TNS2: variants seen among roughly 807,000 people sequenced by gnomAD.
TNS2 encodes tensin 2.
Under a neutral mutation model 155.7 loss-of-function variants are expected in TNS2, and 77 were observed. The observed-to-expected ratio is 0.49, with a 90% CI of 0.41 to 0.60. The LOEUF (loss-of-function observed/expected upper bound fraction) is 0.60. Among genes scored for constraint, TNS2 ranks in the 20% least tolerant of loss-of-function variants. The probability of loss-of-function intolerance (pLI) is 0.00; values close to 1 mark genes in which losing one functional copy is unlikely to be tolerated. For synonymous variants in TNS2, 726 were observed against 763.9 expected (o/e 0.95, Z 0.82); for missense variants, 1,703 against 1,868.8 (o/e 0.91, Z 1.64).
chr12:53,048,748 C>A (rs907590537), upstream of TNS2, among the ~76,000 whole-genome samples: 2 of 152,194 alleles, frequency 1.3e-5, no homozygotes, highest in African/African-American at 4.8e-5. Context: ...CAGTCAGGTC[C>A]TCGCAAGGGT....
Position 53,063,296 on chromosome 12 carries a change from C to A in TNS2, c.3992+39C>A. The A allele has an allele frequency of 6.2e-7, 1 of 1,613,954 alleles. No homozygotes were observed. Among genetic ancestry groups the A allele is most frequent in the Non-Finnish European group, 8.5e-7 (1 of 1,179,932 alleles). On this transcript the variant is annotated intron_variant, in intron 26 of 28. Transcript: ENST00000314250. The surrounding 1 kb of genome is among the most constrained non-coding windows in gnomAD (Gnocchi z 5.6). ...GCCCTGTAGAACCCCATGCTTAAGGCCCCTGGGGGCTCATGTTTCTGAGTG... is the reference window on the plus strand; with the variant it reads ...GCCCTGTAGAACCCCATGCTTAAGGACCCTGGGGGCTCATGTTTCTGAGTG...
upstream of TNS2, chr12:53,048,818 G>A: frequency 4.9e-6 from 1 of 204,852 alleles, no homozygotes; most frequent in Non-Finnish European, 9.7e-6. Context: ...TCATCCCAGG[G>A]AACCCATCCT....
rs1250040839 is a variant in TNS2 at position 53,058,488 on chromosome 12, AGGCAGGTGG to A, written c.1225+44_1225+52del. 8.2e-6 allele frequency: 4 copies of A among 487,794 alleles called. No homozygotes were observed. In the Admixed American group the frequency reaches 3.0e-4, roughly 36 times the overall value. 30.2% of individuals were successfully genotyped at this position (487,794 alleles called of 1,614,324 possible). On this transcript the variant is annotated intron_variant, in intron 15 of 28. Coordinates refer to ENST00000314250, the MANE Select transcript of TNS2 (RefSeq NM_170754.4). ...GGCCTGGGGCTGGAGTCCAGGTGGC[AGGCAGGTGG>A]CAGGCAGGTGGCAGGCAGGCAGGAG... is the stretch of plus-strand genomic sequence containing the variant.
intron 21 of TNS2, 65 bp from the exon 22 acceptor site, chr12:53,061,750 T>C: frequency 1.3e-6 from 2 of 1,560,190 alleles, no homozygotes; most frequent in Non-Finnish European, 8.7e-7. Context: ...GGAGGGGGGC[T>C]GCATGGGGCT....
intron 7 of TNS2, 123 bp from the exon 8 acceptor site, chr12:53,055,063 C>A: frequency 1.8e-6 from 2 of 1,114,378 alleles, no homozygotes; most frequent in Non-Finnish European, 1.3e-6. Flanking sequence ...GGGTTATAGG[C>A]GTGAGTTACT....
chr12:53,058,975 CCT>C (rs1457553433), intron 17 of TNS2, 70 bp from the exon 18 acceptor site: 61 of 1,538,962 alleles, frequency 4.0e-5, no homozygotes, highest in Non-Finnish European at 5.0e-5. Context: ...AGTGCCATCC[CCT>C]CTCATGAATT....
Position 53,064,117 on chromosome 12 carries a change from G to A in TNS2, c.*235G>A. On this transcript the variant is annotated 3_prime_UTR_variant, in exon 29 of 29. Transcript: ENST00000314250. Reference sequence around the variant, plus strand: ...GTGAGCAGATGGCAGAGATGGGTGTGTGAGGGGTGAGGAGGCATCAGCAGT... The same window carrying A: ...GTGAGCAGATGGCAGAGATGGGTGTATGAGGGGTGAGGAGGCATCAGCAGT... 1 of 528,296 alleles carries A rather than the reference G, an allele frequency of 1.9e-6. No individual in the cohort carries two copies. The highest frequency in any genetic ancestry group is 3.4e-6 in the Non-Finnish European group (1 of 298,374). 32.7% of individuals were successfully genotyped at this position (528,296 alleles called of 1,614,324 possible).
chr12:53,058,293 G>A (rs753120400), intron 14 of TNS2, 23 bp from the exon 15 acceptor site: 23 of 1,612,908 alleles, frequency 1.4e-5, no homozygotes, highest in South Asian at 6.6e-5. Flanking sequence ...GGCCTGATCC[G>A]CAGCCTCCTG....
At chr12:53,052,332 A>T (rs1943965957) in intron 2 of TNS2, 123 bp from the exon 3 acceptor site, 2 of 1,267,206 alleles carry the variant, frequency 1.6e-6, no homozygotes, top group Non-Finnish European at 2.3e-6. Flanking sequence ...CAGCCAGCCC[A>T]GTCCAGGTGG....
intron 13 of TNS2, 76 bp downstream of exon 13, chr12:53,057,909 C>G (rs1208483789): frequency 6.8e-6 from 11 of 1,609,322 alleles, no homozygotes; most frequent in South Asian, 6.6e-5. Flanking sequence ...GCTTCTCCAG[C>G]CTCCCTAGAC....
At position 53,058,787 on chromosome 12, in the gene TNS2, C is replaced by G. The variant is rs745854122; in HGVS notation, c.1365C>G (p.Ser455=). ...NTTEPAVRWD[S]YENFNQHHED... is the part of the protein sequence containing the mutation. ...CTGAGCCAGCCGTGCGCTGGGACTC[C>G]TATGAGAACTTCAACCAGCACCACG... The change falls in exon 17 of 29, where the codon TCC becomes TCG. Residue 455 remains serine (S), a synonymous_variant. Transcript: ENST00000314250. The G allele has an allele frequency of 5.6e-6, 9 of 1,613,778 alleles. No individual in the cohort carries two copies. In the South Asian group the frequency reaches 9.9e-5, roughly 18 times the overall value.
intron 21 of TNS2, 41 bp from the exon 22 acceptor site, chr12:53,061,774 T>A: frequency 6.3e-7 from 1 of 1,588,042 alleles, no homozygotes; most frequent in Non-Finnish European, 8.6e-7. Flanking sequence ...TCCACCCCTG[T>A]GAAAACTCCT....
intron 23 of TNS2, 49 bp from the exon 24 acceptor site, chr12:53,062,327 G>C: frequency 6.2e-7 from 1 of 1,613,204 alleles, no homozygotes; most frequent in Non-Finnish European, 8.5e-7. Context: ...GGAAGGGAAA[G>C]GCGGGGCACC....
Position 53,050,325 on chromosome 12 carries a change from G to A in TNS2, c.75+65G>A, listed in dbSNP as rs916884533. On this transcript the variant is annotated intron_variant, in intron 1 of 28. Transcript: ENST00000314250. The surrounding 1 kb of genome is among the most constrained non-coding windows in gnomAD (Gnocchi z 4.7). ...TGGAGGTGCGGGCAGTGGGGGAGGG[G>A]ACCAGGAATCAGGCCAGGCCTTCTT... 79 of 1,493,430 alleles carry A rather than the reference G, an allele frequency of 5.3e-5. No individual in the cohort carries two copies. Among genetic ancestry groups the A allele is most frequent in the Non-Finnish European group, 6.8e-5 (76 of 1,114,042 alleles). 92.5% of individuals were successfully genotyped at this position (1,493,430 alleles called of 1,614,324 possible).
chr12:53,059,694 C>A lies in TNS2; in HGVS notation c.2053C>A (p.Pro685Thr), dbSNP rs1447252116. 4 of 1,613,054 alleles carry A rather than the reference C, an allele frequency of 2.5e-6. No homozygotes were observed. Among genetic ancestry groups the A allele is most frequent in the Non-Finnish European group, 3.4e-6 (4 of 1,179,942 alleles). Residue 685 changes from proline (P) to threonine (T), a missense_variant, in exon 18 of 29, where the codon CCT becomes ACT. By Grantham distance (38) the Pro-to-Thr change is conservative (BLOSUM62 -1). Transcript: ENST00000314250. This position sits in a 1 kb window ranked among gnomAD's most constrained non-coding sequence, Gnocchi z 4.7. ...GGTCATCCTGGAGGACCCTGGGCTGCCTGCCCTATACCCATGCCCAGCCTG... is the reference window on the plus strand; with the variant it reads ...GGTCATCCTGGAGGACCCTGGGCTGACTGCCCTATACCCATGCCCAGCCTG... ...EVVILEDPGL[P>T]ALYPCPACEE... is the part of the protein sequence containing the mutation.
chr12:53,052,083 T>C (rs1389973168), intron 2 of TNS2, 120 bp downstream of exon 2: 1 of 878,750 alleles, frequency 1.1e-6, no homozygotes, highest in Non-Finnish European at 1.7e-6. Flanking sequence ...TTAGGCACAA[T>C]GGCAGCTAAG....
Position 53,057,758 on chromosome 12 carries a change from C to T in TNS2, c.959-15C>T, listed in dbSNP as rs1406690737. 1 of 1,614,176 alleles carries T rather than the reference C, an allele frequency of 6.2e-7. No homozygotes were observed. Among genetic ancestry groups the T allele is most frequent in the Non-Finnish European group, 8.5e-7 (1 of 1,180,008 alleles). ...ACTCAGCACCCCTCCTGTGCCTTCT[C>T]CTCTGCCCCTCCAGGCTTCCAGCCC... On this transcript the variant is annotated splice_polypyrimidine_tract_variant and intron_variant, in intron 12 of 28. Coordinates refer to ENST00000314250, the MANE Select transcript of TNS2 (RefSeq NM_170754.4).
rs773407573 is a variant in TNS2, at chr12:53,057,782, C to A, written c.968C>A (p.Pro323His). 13 of 1,614,132 alleles carry A rather than the reference C, an allele frequency of 8.1e-6. No individual in the cohort carries two copies. The highest frequency in any genetic ancestry group is 5.0e-5 in the Admixed American group (3 of 60,032). ...TCCTCTGCCCCTCCAGGCTTCCAGC[C>A]CTTCCTTAAAATCTACCAGTCCATG... ...PAFEPGTGFQ[P>H]FLKIYQSMQL... The change falls in exon 13 of 29, where the codon CCC becomes CAC. Residue 323 changes from proline to histidine, a missense_variant. By Grantham distance (77) the Pro-to-His change is moderately conservative (BLOSUM62 -2). Transcript: ENST00000314250.
intron 7 of TNS2, among the ~76,000 whole-genome samples, chr12:53,054,950 ATTG>A (rs1944092066): frequency 6.7e-6 from 1 of 148,396 alleles, no homozygotes; most frequent in South Asian, 2.1e-4. Context: ...CACCCGGCAA[ATTG>A]TTGTAATTTT....
Sources: allele counts gnomAD v4.1 joint callset (sites outside exome capture counted in the v4.1 genomes callset), GRCh38; gene constraint gnomAD v4.1.1; non-coding constraint Gnocchi (gnomAD v3.1); transcripts MANE v1.5; gene names NCBI Gene and HGNC (gene_info 2026-07-23, HGNC 2026-07-21).